The following HDAC9 variants were observed in gnomAD, a reference collection of about 807,000 sequenced individuals.
HDAC9 encodes MEF-2 interacting transcription repressor (MITR) protein.
Under a neutral mutation model 139.4 loss-of-function variants are expected in HDAC9, and 41 were observed. That is an observed-to-expected ratio of 0.29 (90% confidence interval 0.23 to 0.38). The LOEUF (loss-of-function observed/expected upper bound fraction) is 0.38, where lower values mean the gene tolerates loss of function less well. HDAC9 is among the 10% of genes least tolerant of loss of function. The pLI, the probability that HDAC9 is intolerant of heterozygous loss-of-function variation, is 1.00. For synonymous variants in HDAC9, 517 were observed against 476.2 expected (o/e 1.09, Z -1.12); for missense variants, 1,147 against 1,297.0 (o/e 0.88, Z 1.78).
rs1408237246 is a variant in HDAC9, at chr7:18,829,685, T to G, written c.2466+137T>G. ...TGTGTTTTCCTTTGAATGTGGAAAC[T>G]CATTAAACTCAGGATTGCAGTTCTG... On this transcript the variant is annotated intron_variant, in intron 19 of 25. Coordinates refer to ENST00000686413, the MANE Select transcript of HDAC9 (RefSeq NM_178425.4). 8.3e-6 allele frequency: 5 copies of G among 603,314 alleles called. No individual in the cohort carries two copies. The Admixed American group carries it at 1.0e-4, about 12-fold the overall frequency. The allele number at this position is 603,314 out of a possible 1,614,324, so 37.4% of individuals were successfully genotyped here.
chr7:18,949,032 T>C (rs1307016599), intron 23 of HDAC9: 4 of 405,628 alleles, frequency 9.9e-6, no homozygotes, highest in Non-Finnish European at 1.9e-5. Context: ...CTTGCTTGCA[T>C]TTTTGCTTTA....
chr7:18,803,101 T>C (rs988141723), intron 17 of HDAC9, among the ~76,000 whole-genome samples: 14 of 152,064 alleles, frequency 9.2e-5, no homozygotes, highest in Admixed American at 9.2e-4. Context: ...AATTAGTTTA[T>C]TTTTTCTCTA....
chr7:18,956,802 C>T (rs900028391), intron 24 of HDAC9, among the ~76,000 whole-genome samples: 1 of 152,052 alleles, frequency 6.6e-6, no homozygotes, highest in African/African-American at 2.4e-5. Context: ...GAAATGGGTA[C>T]GTGACTCAAT....
At chr7:18,630,387 A>T (rs987465893) in intron 7 of HDAC9, among the ~76,000 whole-genome samples, 1 of 152,018 alleles carries the variant, frequency 6.6e-6, no homozygotes, top group African/African-American at 2.4e-5. Flanking sequence ...AGTAAGTTTT[A>T]AAAAAATTCT....
At chr7:18,623,517 T>C (rs1479923829) in intron 6 of HDAC9, among the ~76,000 whole-genome samples, 1 of 152,200 alleles carries the variant, frequency 6.6e-6, no homozygotes, top group Non-Finnish European at 1.5e-5. Context: ...AACAATTTTT[T>C]TTTTATGATA....
intron 1 of HDAC9, among the ~76,000 whole-genome samples, chr7:18,136,426 TA>T (rs1057002562): frequency 9.2e-5 from 14 of 151,974 alleles, no homozygotes; most frequent in African/African-American, 3.4e-4. Flanking sequence ...CTAGGGTTTT[TA>T]TGGTTTTAGG....
At position 18,199,774 on chromosome 7, in the gene HDAC9, A is replaced by T. The variant is rs565487340; in HGVS notation, c.25+37425A>T. 2.0e-5 allele frequency among the ~76,000 whole-genome samples: 3 copies of T among 150,722 alleles called. No homozygotes were observed. The East Asian group carries it at 5.8e-4, about 29-fold the overall frequency. Reference sequence around the variant, plus strand: ...TCTACCAAAAAAAAAAAAAAAAAAAAAAAAAGGCTGTGCTTAGTGTTGCAC... The same window carrying T: ...TCTACCAAAAAAAAAAAAAAAAAAATAAAAAGGCTGTGCTTAGTGTTGCAC... On this transcript the variant is annotated intron_variant, in intron 2 of 12. Transcript: ENST00000417496.
intron 16 of HDAC9, among the ~76,000 whole-genome samples, chr7:18,790,541 A>G (rs1171589029): frequency 2.0e-5 from 3 of 152,172 alleles, no homozygotes; most frequent in Non-Finnish European, 4.4e-5. Flanking sequence ...CTTTTGTTTA[A>G]GCTACCTACC....
At chr7:18,753,335 G>A (rs1437514378) in intron 14 of HDAC9, among the ~76,000 whole-genome samples, 8 of 152,096 alleles carry the variant, frequency 5.3e-5, no homozygotes, top group African/African-American at 1.4e-4. Context: ...GACAGCATCA[G>A]TGGGGCCCTG....
chr7:18,383,220 A>G (rs958889072), intron 1 of HDAC9, among the ~76,000 whole-genome samples: 2 of 152,242 alleles, frequency 1.3e-5, no homozygotes, highest in Admixed American at 1.3e-4. Flanking sequence ...TGCAATAGAA[A>G]TGAACTAGAA....
At chr7:18,496,177 G>A in intron 1 of HDAC9, 85 bp from the exon 2 acceptor site, 1 of 1,490,328 alleles carries the variant, frequency 6.7e-7, no homozygotes, top group South Asian at 1.2e-5. Flanking sequence ...GCACTGAGCA[G>A]TGATGAATGT....
At chr7:18,930,020 A>T (rs1372627409) in intron 22 of HDAC9, among the ~76,000 whole-genome samples, 1 of 152,134 alleles carries the variant, frequency 6.6e-6, no homozygotes, top group Non-Finnish European at 1.5e-5. Flanking sequence ...TGTAGTCAAT[A>T]CAGGTAATAG....
chr7:18,907,892 C>A (rs1014190443), intron 22 of HDAC9, among the ~76,000 whole-genome samples: 1 of 152,044 alleles, frequency 6.6e-6, no homozygotes, highest in Admixed American at 6.6e-5. Flanking sequence ...AAATTTATAC[C>A]TCTGGTATCA....
intron 2 of HDAC9, among the ~76,000 whole-genome samples, chr7:18,259,483 C>A (rs960538511): frequency 2.5e-4 from 38 of 152,208 alleles, no homozygotes; most frequent in Non-Finnish European, 5.4e-4. Flanking sequence ...CCACCTCAGC[C>A]TCCTGAGTAG....
intron 1 of HDAC9, among the ~76,000 whole-genome samples, chr7:18,298,812 T>C (rs953949948): frequency 6.6e-6 from 1 of 152,154 alleles, no homozygotes; most frequent in African/African-American, 2.4e-5. Context: ...TAAAAACAAA[T>C]AGTAAAGCTG....
At chr7:18,450,993 C>T (rs1239337341) in intron 1 of HDAC9, among the ~76,000 whole-genome samples, 1 of 152,042 alleles carries the variant, frequency 6.6e-6, no homozygotes, top group African/African-American at 2.4e-5. Flanking sequence ...CATATACATA[C>T]CGCTGTGGTC....
At chr7:18,144,904 A>G (rs1786183417) in intron 1 of HDAC9, among the ~76,000 whole-genome samples, 1 of 152,214 alleles carries the variant, frequency 6.6e-6, no homozygotes, top group Non-Finnish European at 1.5e-5. Context: ...TGAAGTAGAA[A>G]GACCTTGTGA....
chr7:18,732,844 CACGT>C (rs1786338630), intron 13 of HDAC9, among the ~76,000 whole-genome samples: 1 of 100,842 alleles, frequency 9.9e-6, no homozygotes, highest in Non-Finnish European at 1.9e-5. Flanking sequence ...TGTGTACACA[CACGT>C]GTGTATGTGT....
At chr7:18,412,926 GA>G (rs375809835) in intron 1 of HDAC9, among the ~76,000 whole-genome samples, 83 of 152,190 alleles carry the variant, frequency 5.5e-4, no homozygotes, top group African/African-American at 1.9e-3. Context: ...AAAAACTTTA[GA>G]AATTAGTGGA....
Sources: gnomAD v4.1 joint callset for allele counts (sites outside exome capture counted in the v4.1 genomes callset) on GRCh38, gnomAD v4.1.1 for gene constraint, MANE v1.5 for transcripts, NCBI Gene and HGNC (gene_info 2026-07-23, HGNC 2026-07-21) for gene names.